Variants in CSMD3 observed in about 807,000 individuals in gnomAD.
The protein encoded by CSMD3 is CUB and Sushi multiple domains 3.
CSMD3 carries 177 observed loss-of-function variants against 435.2 expected under a neutral mutation model. The ratio of observed to expected loss-of-function variants is 0.41; its 90% confidence interval spans 0.36 to 0.46. The LOEUF is 0.46. Among genes scored for constraint, CSMD3 ranks in the 20% least tolerant of loss-of-function variants. The pLI is 0.34. For missense variants in CSMD3, 4,265 were observed against 4,504.6 expected, an observed-to-expected ratio of 0.95 and a Z score of 1.52; for synonymous variants, 1,656 against 1,520.5, an observed-to-expected ratio of 1.09 and a Z score of -2.07.
chr8:112,783,246 A>G (rs2078438682), intron 13 of CSMD3, among the ~76,000 whole-genome samples: 1 of 151,852 alleles, frequency 6.6e-6, no homozygotes, highest in South Asian at 2.1e-4. Context: ...TTGTTTTGCA[A>G]TAAGTGCTGT....
At chr8:112,658,706 C>T (rs1195593231) in intron 17 of CSMD3, among the ~76,000 whole-genome samples, 1 of 152,058 alleles carries the variant, frequency 6.6e-6, no homozygotes, top group African/African-American at 2.4e-5. Flanking sequence ...GCCTATAATT[C>T]CAGCACTTTG....
chr8:112,536,718 GC>G (rs1826128578), intron 27 of CSMD3, among the ~76,000 whole-genome samples: 1 of 144,718 alleles, frequency 6.9e-6, no homozygotes, highest in Admixed American at 6.9e-5. Context: ...ACACACGCAT[GC>G]GTATGTTTAT....
intron 35 of CSMD3, among the ~76,000 whole-genome samples, chr8:112,400,867 T>C (rs1211820310): frequency 6.6e-6 from 1 of 152,186 alleles, no homozygotes; most frequent in African/African-American, 2.4e-5. Flanking sequence ...TCATGTAGAA[T>C]AGGGGCCCTC....
intron 1 of CSMD3, among the ~76,000 whole-genome samples, chr8:113,410,741 G>GAAAAA (rs34022107): frequency 7.0e-6 from 1 of 142,846 alleles, no homozygotes; most frequent in Non-Finnish European, 1.5e-5. Context: ...ATCTGTACTG[G>GAAAAA]AAAAAAAAAA....
At chr8:112,385,161 G>A (rs1829820619) in intron 36 of CSMD3, among the ~76,000 whole-genome samples, 1 of 152,130 alleles carries the variant, frequency 6.6e-6, no homozygotes, top group South Asian at 2.1e-4. Context: ...CTAAATACAA[G>A]AGAACTTAGA....
At chr8:113,362,344 A>C (rs768160792) in intron 1 of CSMD3, among the ~76,000 whole-genome samples, 8 of 152,314 alleles carry the variant, frequency 5.3e-5, no homozygotes, top group South Asian at 2.1e-4. Context: ...AGAGTCAGAA[A>C]GGAAAATTGA....
chr8:112,783,192 G>A (rs2078437173), intron 13 of CSMD3, among the ~76,000 whole-genome samples: 1 of 151,754 alleles, frequency 6.6e-6, no homozygotes, highest in Non-Finnish European at 1.5e-5. Flanking sequence ...AAATGTGGGG[G>A]ATAAAGAGTA....
intron 1 of CSMD3, among the ~76,000 whole-genome samples, chr8:113,420,383 T>G (rs774742733): frequency 2.6e-5 from 4 of 151,934 alleles, no homozygotes; most frequent in Non-Finnish European, 5.9e-5. Context: ...ATTTTCTCAA[T>G]GAGTACTTAA....
chr8:113,211,679 A>C (rs113339821), intron 3 of CSMD3, among the ~76,000 whole-genome samples: 10,022 of 152,130 alleles, frequency 0.066, 444 homozygotes, highest in Non-Finnish European at 0.095. Flanking sequence ...ACAGAGGAAG[A>C]CTCCGTCTCA....
intron 22 of CSMD3, among the ~76,000 whole-genome samples, chr8:112,602,262 A>C (rs1028002262): frequency 6.6e-6 from 1 of 152,212 alleles, no homozygotes; most frequent in Non-Finnish European, 1.5e-5. Context: ...TGAACAAATA[A>C]AGGGTTAGGG....
chr8:112,308,323 T>G (rs1821636697), intron 50 of CSMD3, among the ~76,000 whole-genome samples: 1 of 152,068 alleles, frequency 6.6e-6, no homozygotes, highest in Non-Finnish European at 1.5e-5. Context: ...TCATTGTTGG[T>G]GTAGTATAGA....
At chr8:113,295,369 C>A (rs2093713072) in intron 2 of CSMD3, among the ~76,000 whole-genome samples, 1 of 151,902 alleles carries the variant, frequency 6.6e-6, no homozygotes, top group Non-Finnish European at 1.5e-5. Context: ...AACACTATTG[C>A]CACCACAATT....
intron 3 of CSMD3, among the ~76,000 whole-genome samples, chr8:113,186,461 G>A (rs563429710): frequency 2.6e-5 from 4 of 151,726 alleles, no homozygotes; most frequent in Non-Finnish European, 5.9e-5. Context: ...TTGAACCACC[G>A]TCTATAAACC....
intron 32 of CSMD3, among the ~76,000 whole-genome samples, chr8:112,471,432 C>T (rs1258715860): frequency 6.6e-6 from 1 of 152,138 alleles, no homozygotes; most frequent in East Asian, 1.9e-4. Context: ...AAGACCTAAC[C>T]TTTGATTCAA....
At chr8:113,324,099 A>C (rs2093967167) in intron 1 of CSMD3, among the ~76,000 whole-genome samples, 1 of 152,174 alleles carries the variant, frequency 6.6e-6, no homozygotes, top group Non-Finnish European at 1.5e-5. Context: ...GTGTTGTTAA[A>C]GGCATTCAGA....
At chr8:112,828,450 C>T (rs1209553137) in intron 12 of CSMD3, among the ~76,000 whole-genome samples, 1 of 151,972 alleles carries the variant, frequency 6.6e-6, no homozygotes, top group African/African-American at 2.4e-5. Flanking sequence ...GTGGGACTTC[C>T]CCCTTTGCTC....
chr8:112,302,045 T>C, intron 52 of CSMD3, 79 bp from the exon 53 acceptor site: 1 of 969,300 alleles, frequency 1.0e-6, no homozygotes. Context: ...TTTGAACATT[T>C]TGAGCTTCCT....
chr8:113,386,125 G>T (rs532999336), intron 1 of CSMD3, among the ~76,000 whole-genome samples: 3 of 152,102 alleles, frequency 2.0e-5, no homozygotes, highest in Admixed American at 2.0e-4. Flanking sequence ...AATACAAAAT[G>T]TTTTGGAAAA....
At chr8:112,388,951 T>G (rs1830187190) in intron 36 of CSMD3, among the ~76,000 whole-genome samples, 1 of 151,964 alleles carries the variant, frequency 6.6e-6, no homozygotes, top group South Asian at 2.1e-4. Context: ...AAGTAGGAGC[T>G]ACAGATGTAG....
Sources: allele counts gnomAD v4.1 joint callset (sites outside exome capture counted in the v4.1 genomes callset), GRCh38; gene constraint gnomAD v4.1.1; transcripts MANE v1.5; gene names NCBI Gene and HGNC (gene_info 2026-07-23, HGNC 2026-07-21).